Variants in ARHGEF7 observed in about 807,000 individuals in gnomAD.
ARHGEF7 encodes the protein PAK-interacting exchange factor beta.
Under a neutral mutation model 109.8 loss-of-function variants are expected in ARHGEF7, and 33 were observed. The observed-to-expected ratio is 0.30, with a 90% CI of 0.23 to 0.40. The LOEUF (loss-of-function observed/expected upper bound fraction) is 0.40, where lower values mean the gene tolerates loss of function less well. ARHGEF7 is among the 10% of genes least tolerant of loss of function. ARHGEF7 has a pLI of 1.00. For missense variants in ARHGEF7, 938 were observed against 1,098.5 expected (o/e 0.85, Z 2.07); for synonymous variants, 458 against 424.6 (o/e 1.08, Z -0.97).
intron 16 of ARHGEF7, among the ~76,000 whole-genome samples, chr13:111,285,748 C>G (rs116895406): frequency 6.6e-6 from 1 of 152,098 alleles, no homozygotes. Context: ...CCTCTCTTTC[C>G]AGTTAGCTGT....
chr13:111,285,829 G>A (rs1345026260), intron 16 of ARHGEF7, among the ~76,000 whole-genome samples: 2 of 152,074 alleles, frequency 1.3e-5, no homozygotes, highest in Non-Finnish European at 1.5e-5. Context: ...CGTGCAGGAT[G>A]TCTGTGCACA....
chr13:111,246,701 T>C (rs571462655), intron 8 of ARHGEF7, among the ~76,000 whole-genome samples: 5 of 152,350 alleles, frequency 3.3e-5, no homozygotes, highest in Non-Finnish European at 5.9e-5. Flanking sequence ...GGAATCACTT[T>C]GATTTTCTTT....
intron 2 of ARHGEF7, among the ~76,000 whole-genome samples, chr13:111,169,196 C>T (rs538423912): frequency 1.3e-5 from 2 of 152,258 alleles, no homozygotes; most frequent in Admixed American, 6.5e-5. Flanking sequence ...AGAAGAAAGT[C>T]GTGTGTTAGG....
chr13:111,189,389 C>T (rs1232008342), intron 2 of ARHGEF7, among the ~76,000 whole-genome samples: 1 of 152,178 alleles, frequency 6.6e-6, no homozygotes, highest in Non-Finnish European at 1.5e-5. Context: ...GTCTTGCTGA[C>T]TTCAGGAGTG....
intron 8 of ARHGEF7, among the ~76,000 whole-genome samples, chr13:111,259,675 A>G (rs1011876449): frequency 4.6e-5 from 7 of 152,222 alleles, no homozygotes; most frequent in African/African-American, 1.7e-4. Context: ...TAGGCTGTGA[A>G]GACTACAATA....
In ARHGEF7 at chr13:111,233,186, T is replaced by A; in HGVS notation, c.671-19T>A. On this transcript the variant is annotated intron_variant, in intron 5 of 21. Coordinates refer to ENST00000646102, the MANE Select transcript of ARHGEF7 (RefSeq NM_001354046.2). ...TCTTTAGTACTGATCAGTAAAACTA[T>A]GTTACATTTTCATTTCAGAGAAGCC... 4 of 1,601,786 alleles carry A rather than the reference T, an allele frequency of 2.5e-6. No individual in the cohort carries two copies. Among genetic ancestry groups the A allele is most frequent in the Non-Finnish European group, 3.4e-6 (4 of 1,168,806 alleles).
At chr13:111,203,177 A>T in intron 2 of ARHGEF7, 1 of 1,100,808 alleles carries the variant, frequency 9.1e-7, no homozygotes, top group Non-Finnish European at 1.2e-6. Flanking sequence ...CAAAATAAAA[A>T]ATGACTTGAA....
intron 8 of ARHGEF7, among the ~76,000 whole-genome samples, chr13:111,250,671 C>G (rs1440782146): frequency 6.6e-6 from 1 of 152,184 alleles, no homozygotes; most frequent in Non-Finnish European, 1.5e-5. Context: ...ATTTCAAACC[C>G]AGCTGCAAAT....
intron 2 of ARHGEF7, chr13:111,159,179 C>T (rs1354075565): frequency 1.5e-6 from 1 of 674,982 alleles, no homozygotes; most frequent in Non-Finnish European, 2.7e-6. Flanking sequence ...ACAATGTTCT[C>T]CAGGTTCATT....
chr13:111,130,463 G>A (rs1042757142), intron 1 of ARHGEF7, among the ~76,000 whole-genome samples: 6 of 152,132 alleles, frequency 3.9e-5, no homozygotes, highest in Non-Finnish European at 8.8e-5. Context: ...ACCTAATCGT[G>A]AATTTAGAAA....
rs1463061115 is a variant in ARHGEF7 at position 111,273,041 on chromosome 13, A to G, written c.1074-773A>G. Among the ~76,000 whole-genome samples, 4 of 152,220 alleles carry G rather than the reference A, an allele frequency of 2.6e-5. No homozygotes were observed. The highest frequency in any genetic ancestry group is 2.0e-4 in the Admixed American group (3 of 15,286). On this transcript the variant is annotated intron_variant, in intron 9 of 21. Coordinates refer to ENST00000646102, the MANE Select transcript of ARHGEF7 (RefSeq NM_001354046.2). The surrounding 1 kb of genome is among the most constrained non-coding windows in gnomAD (Gnocchi z 4.5). ...GTTGAAGAGGAATACAGAAAGTTCT[A>G]AAACTTGTTTCTGACTCTTTAATTT...
chr13:111,278,962 T>G (rs1015280862), intron 13 of ARHGEF7, among the ~76,000 whole-genome samples: 1 of 152,248 alleles, frequency 6.6e-6, no homozygotes, highest in African/African-American at 2.4e-5. Flanking sequence ...TTTTCCATTC[T>G]TAGCACAGTG....
At chr13:111,179,245 CT>C (rs906432130) in intron 2 of ARHGEF7, among the ~76,000 whole-genome samples, 1 of 151,836 alleles carries the variant, frequency 6.6e-6, no homozygotes, top group East Asian at 1.9e-4. Context: ...CTCCCAGCTA[CT>C]TTTTTTTGTG....
chr13:111,197,468 C>G (rs1007179034), intron 2 of ARHGEF7, among the ~76,000 whole-genome samples: 1 of 152,210 alleles, frequency 6.6e-6, no homozygotes, highest in African/African-American at 2.4e-5. Context: ...CTGACGCATT[C>G]TTGAAAACCT....
rs140487855 is a variant in ARHGEF7, at chr13:111,204,169, G to A, written c.253-1120G>A. On this transcript the variant is annotated intron_variant, in intron 2 of 21. Transcript: ENST00000646102. ...GATTAGCCAGGAAAGGGAAGGGACC[G>A]AAGGCAGGAAGAGGAAGAAGTGGGG... Among the ~76,000 whole-genome samples the A allele has an allele frequency of 3.5e-3, 536 of 152,266 alleles. 1 individual carries two copies. The highest frequency in any genetic ancestry group is 0.012 in the African/African-American group (514 of 41,548).
intron 8 of ARHGEF7, among the ~76,000 whole-genome samples, chr13:111,252,898 C>G (rs1301780148): frequency 6.6e-6 from 1 of 152,342 alleles, no homozygotes; most frequent in African/African-American, 2.4e-5. Flanking sequence ...TTCATAGTTC[C>G]ACCTCTTTCA....
chr13:111,206,251 C>G (rs1039277091), intron 3 of ARHGEF7, among the ~76,000 whole-genome samples: 1 of 151,466 alleles, frequency 6.6e-6, no homozygotes, highest in South Asian at 2.1e-4. Context: ...GTGTACTTGC[C>G]TCACTGCACA....
intron 1 of ARHGEF7, among the ~76,000 whole-genome samples, chr13:111,140,704 C>CT (rs1376880064): frequency 6.6e-6 from 1 of 152,004 alleles, no homozygotes; most frequent in African/African-American, 2.4e-5. Flanking sequence ...CGTTTGTTTG[C>CT]TTTTTTAGAG....
rs560749678 is a variant in ARHGEF7, at chr13:111,266,474, T to C, written c.951-1074T>C. Reference sequence around the variant, plus strand: ...TGACTTCTGCTTATATTTTTGGTTTTCTGTATCATGAACTTTTATTCTGAT... The same window carrying C: ...TGACTTCTGCTTATATTTTTGGTTTCCTGTATCATGAACTTTTATTCTGAT... On this transcript the variant is annotated intron_variant, in intron 8 of 21. Transcript: ENST00000646102. This position sits in a 1 kb window ranked among gnomAD's most constrained non-coding sequence, Gnocchi z 4.8. Among the ~76,000 whole-genome samples, 1 of 152,314 alleles carries C rather than the reference T, an allele frequency of 6.6e-6. No homozygotes were observed. Among genetic ancestry groups the C allele is most frequent in the East Asian group, 1.9e-4 (1 of 5,178 alleles).
Sources: gnomAD v4.1 joint callset for allele counts (sites outside exome capture counted in the v4.1 genomes callset) on GRCh38, gnomAD v4.1.1 for gene constraint, Gnocchi (gnomAD v3.1) non-coding constraint, MANE v1.5 for transcripts, NCBI Gene and HGNC (gene_info 2026-07-23, HGNC 2026-07-21) for gene names.